Variants in RBFOX1 observed in about 807,000 individuals in gnomAD.
RBFOX1 encodes RNA binding fox-1 homolog 1, also known as RNA binding protein fox-1 homolog 1.
Under a neutral mutation model 57.7 loss-of-function variants are expected in RBFOX1, and 8 were observed. The observed-to-expected ratio is 0.14, with a 90% CI of 0.08 to 0.25. The LOEUF (loss-of-function observed/expected upper bound fraction) is 0.25. RBFOX1 is among the 10% of genes least tolerant of loss of function. RBFOX1 has a pLI of 1.00. For missense variants in RBFOX1, 611 were observed against 548.5 expected (o/e 1.11, Z -1.14); for synonymous variants, 326 against 222.4 (o/e 1.47, Z -4.15).
chr16:7,275,964 G>C (rs1603473673), intron 4 of RBFOX1, among the ~76,000 whole-genome samples: 2 of 152,142 alleles, frequency 1.3e-5, no homozygotes, highest in African/African-American at 2.4e-5. Flanking sequence ...ACCACGAAGT[G>C]TGTCATCATA....
intron 3 of RBFOX1, among the ~76,000 whole-genome samples, chr16:6,821,760 C>T (rs566757980): frequency 6.6e-6 from 1 of 152,218 alleles, no homozygotes; most frequent in South Asian, 2.1e-4. Context: ...TAGAAATGAA[C>T]CAATTTTTTC....
At chr16:6,626,508 C>G (rs2098310057) in intron 2 of RBFOX1, among the ~76,000 whole-genome samples, 3 of 152,278 alleles carry the variant, frequency 2.0e-5, no homozygotes, top group Non-Finnish European at 4.4e-5. Context: ...GCCTGTAATC[C>G]CAGCACTTTG....
intron 1 of RBFOX1, among the ~76,000 whole-genome samples, chr16:5,430,409 G>C (rs2067695082): frequency 6.6e-6 from 1 of 152,184 alleles, no homozygotes. Flanking sequence ...GGGAGGGAGA[G>C]GTGCTGAAAC....
intron 3 of RBFOX1, among the ~76,000 whole-genome samples, chr16:6,919,180 A>G (rs2073917331): frequency 6.6e-6 from 1 of 151,778 alleles, no homozygotes; most frequent in Non-Finnish European, 1.5e-5. Flanking sequence ...ATGGGGTTTC[A>G]CCATGTTGGC....
intron 14 of RBFOX1, among the ~76,000 whole-genome samples, chr16:7,680,585 C>A (rs972226347): frequency 6.6e-6 from 1 of 152,066 alleles, no homozygotes; most frequent in Non-Finnish European, 1.5e-5. Flanking sequence ...ATAAAACATG[C>A]ATTTCTTGTA....
At chr16:6,729,248 T>C (rs1384417448) in intron 3 of RBFOX1, among the ~76,000 whole-genome samples, 1 of 152,190 alleles carries the variant, frequency 6.6e-6, no homozygotes, top group African/African-American at 2.4e-5. Flanking sequence ...CCCCAGGGAT[T>C]CTGATTTAAT....
chr16:5,422,912 G>C (rs1478384869), intron 1 of RBFOX1, among the ~76,000 whole-genome samples: 1 of 129,944 alleles, frequency 7.7e-6, no homozygotes, highest in Non-Finnish European at 1.6e-5. Flanking sequence ...GGAGGAAAGA[G>C]GAGGAGGGAG....
At chr16:5,670,408 T>C (rs2049981574) in intron 3 of RBFOX1, among the ~76,000 whole-genome samples, 1 of 152,236 alleles carries the variant, frequency 6.6e-6, no homozygotes, top group African/African-American at 2.4e-5. Context: ...GGCAAAATTA[T>C]TCTGTAGCCC....
At chr16:5,974,247 A>G (rs951226968) in intron 4 of RBFOX1, among the ~76,000 whole-genome samples, 1 of 152,198 alleles carries the variant, frequency 6.6e-6, no homozygotes. Context: ...AACTGCAAAG[A>G]GAGGTAGAGT....
intron 4 of RBFOX1, among the ~76,000 whole-genome samples, chr16:7,146,122 C>G (rs150400386): frequency 1.3e-4 from 19 of 151,868 alleles, no homozygotes; most frequent in Non-Finnish European, 2.7e-4. Context: ...CAAAGCTTGT[C>G]TAGGTTAAGG....
intron 4 of RBFOX1, among the ~76,000 whole-genome samples, chr16:5,956,430 G>C (rs2059640524): frequency 6.6e-6 from 1 of 151,662 alleles, no homozygotes; most frequent in Admixed American, 6.6e-5. Flanking sequence ...AAGTAGGAGT[G>C]TGGCAACTCT....
chr16:6,682,121 A>G (rs2058739321), intron 3 of RBFOX1, among the ~76,000 whole-genome samples: 1 of 152,184 alleles, frequency 6.6e-6, no homozygotes, highest in Non-Finnish European at 1.5e-5. Context: ...CCTGGGCAAT[A>G]GTGAAGTGCC....
intron 1 of RBFOX1, among the ~76,000 whole-genome samples, chr16:6,082,786 A>G (rs4786811): frequency 0.036 from 5,415 of 152,214 alleles, 170 homozygotes; most frequent in African/African-American, 0.066. Flanking sequence ...TGAGGATATC[A>G]GTTTGGCTTG....
chr16:7,344,907 A>T (rs1413258482), intron 4 of RBFOX1, among the ~76,000 whole-genome samples: 1 of 152,172 alleles, frequency 6.6e-6, no homozygotes, highest in Admixed American at 6.5e-5. Context: ...GGCTAATGCG[A>T]TATTGTGCCG....
At chr16:7,256,048 C>G (rs759772134) in intron 4 of RBFOX1, among the ~76,000 whole-genome samples, 3 of 152,168 alleles carry the variant, frequency 2.0e-5, no homozygotes, top group Non-Finnish European at 4.4e-5. Flanking sequence ...TACATACTGC[C>G]TTTGTAATTT....
intron 3 of RBFOX1, among the ~76,000 whole-genome samples, chr16:6,918,579 C>A (rs560634636): frequency 6.6e-6 from 1 of 152,042 alleles, no homozygotes. Flanking sequence ...GAATAAGTAA[C>A]CAGGGACATA....
At chr16:6,259,274 C>T (rs111793463) in intron 1 of RBFOX1, among the ~76,000 whole-genome samples, 1 of 152,112 alleles carries the variant, frequency 6.6e-6, no homozygotes, top group African/African-American at 2.4e-5. Flanking sequence ...TTGCTTGTTT[C>T]ATTTGCCACA....
chr16:6,868,921 C>T (rs376940507), intron 3 of RBFOX1, among the ~76,000 whole-genome samples: 1 of 152,136 alleles, frequency 6.6e-6, no homozygotes, highest in Non-Finnish European at 1.5e-5. Flanking sequence ...TTGTGAGTTA[C>T]CACATTTTCT....
chr16:6,979,094 A>C (rs1393650943), intron 3 of RBFOX1, among the ~76,000 whole-genome samples: 1 of 152,228 alleles, frequency 6.6e-6, no homozygotes, highest in Non-Finnish European at 1.5e-5. Flanking sequence ...AATATGTTCA[A>C]CATGATGATT....
Sources: allele counts gnomAD v4.1 joint callset (sites outside exome capture counted in the v4.1 genomes callset), GRCh38; gene constraint gnomAD v4.1.1; transcripts MANE v1.5; gene names NCBI Gene and HGNC (gene_info 2026-07-23, HGNC 2026-07-21).